ENOX1: variants seen among roughly 807,000 people sequenced by gnomAD.
ENOX1 encodes the protein ecto-NOX disulfide-thiol exchanger 1.
ENOX1 carries 42 observed loss-of-function variants against 82.5 expected under a neutral mutation model. The observed-to-expected ratio is 0.51, with a 90% CI of 0.40 to 0.66. The LOEUF is 0.66. Among genes scored for constraint, ENOX1 ranks in the 30% least tolerant of loss-of-function variants. The pLI, the probability that ENOX1 is intolerant of heterozygous loss-of-function variation, is 0.00. For missense variants in ENOX1, 608 were observed against 811.6 expected (o/e 0.75, Z 3.05); for synonymous variants, 271 against 282.2 (o/e 0.96, Z 0.40).
chr13:43,488,213 C>T (rs926211193), intron 2 of ENOX1, among the ~76,000 whole-genome samples: 1 of 152,118 alleles, frequency 6.6e-6, no homozygotes, highest in Non-Finnish European at 1.5e-5. Context: ...GAGGTATAGC[C>T]TTTAAGAGAT....
intron 13 of ENOX1, 108 bp downstream of exon 13, chr13:43,269,362 T>C (rs1262415183): frequency 7.2e-6 from 6 of 837,308 alleles, no homozygotes; most frequent in South Asian, 6.1e-5. Context: ...TCAGACTAAT[T>C]GTACTGCAGA....
chr13:43,752,806 T>G (rs1232647952), intron 1 of ENOX1, among the ~76,000 whole-genome samples: 4 of 152,138 alleles, frequency 2.6e-5, no homozygotes, highest in Non-Finnish European at 5.9e-5. Context: ...AATTTAGTCC[T>G]CCAACCTTCT....
At chr13:43,632,141 A>G (rs1411350880) in intron 2 of ENOX1, among the ~76,000 whole-genome samples, 1 of 152,122 alleles carries the variant, frequency 6.6e-6, no homozygotes, top group Non-Finnish European at 1.5e-5. Context: ...AAAGCCCTTT[A>G]AGTACTGATT....
At chr13:43,343,094 ATACAG>A (rs1337443722) in intron 9 of ENOX1, among the ~76,000 whole-genome samples, 80 of 152,368 alleles carry the variant, frequency 5.3e-4, no homozygotes, top group African/African-American at 1.9e-3. Flanking sequence ...AGATAAAAAC[ATACAG>A]TAATCATTTC....
chr13:43,425,318 G>T (rs980833943), intron 3 of ENOX1, among the ~76,000 whole-genome samples: 5 of 152,084 alleles, frequency 3.3e-5, no homozygotes, highest in African/African-American at 1.2e-4. Flanking sequence ...TGATGGAAAG[G>T]CTCCAGCTCT....
At chr13:43,420,051 A>G (rs1366512938) in intron 3 of ENOX1, among the ~76,000 whole-genome samples, 1 of 152,186 alleles carries the variant, frequency 6.6e-6, no homozygotes, top group African/African-American at 2.4e-5. Flanking sequence ...ACTCTCCATT[A>G]GCATTATCAT....
intron 8 of ENOX1, among the ~76,000 whole-genome samples, chr13:43,347,759 A>T (rs1305849666): frequency 6.6e-6 from 1 of 152,190 alleles, no homozygotes; most frequent in Admixed American, 6.5e-5. Flanking sequence ...AATCACATCA[A>T]ACATGCACTT....
At chr13:43,365,793 T>A (rs1299192714) in intron 5 of ENOX1, among the ~76,000 whole-genome samples, 1 of 152,106 alleles carries the variant, frequency 6.6e-6, no homozygotes, top group Admixed American at 6.5e-5. Flanking sequence ...GGATGCTGAG[T>A]CTTAGAATGC....
chr13:43,578,449 A>G (rs756188069), intron 2 of ENOX1, among the ~76,000 whole-genome samples: 22 of 152,210 alleles, frequency 1.4e-4, no homozygotes, highest in Non-Finnish European at 2.8e-4. Context: ...CTAATTCTTA[A>G]TAATGAAATG....
At chr13:43,241,712 G>C (rs914516720) in intron 14 of ENOX1, among the ~76,000 whole-genome samples, 2 of 152,166 alleles carry the variant, frequency 1.3e-5, no homozygotes, top group Admixed American at 1.3e-4. Context: ...GGCTGGAGAA[G>C]AGGTTTTCAG....
At chr13:43,585,993 T>A (rs767402394) in intron 2 of ENOX1, among the ~76,000 whole-genome samples, 2 of 152,242 alleles carry the variant, frequency 1.3e-5, no homozygotes, top group Non-Finnish European at 2.9e-5. Context: ...CTAATTAGAA[T>A]ATGTATCATC....
chr13:43,500,476 T>A (rs986574063), intron 2 of ENOX1, among the ~76,000 whole-genome samples: 4 of 152,018 alleles, frequency 2.6e-5, no homozygotes, highest in South Asian at 2.1e-4. Flanking sequence ...AAATACTATA[T>A]CTGGTAAAAA....
At chr13:43,352,386 A>C (rs557632072) in intron 8 of ENOX1, among the ~76,000 whole-genome samples, 1 of 152,326 alleles carries the variant, frequency 6.6e-6, no homozygotes, top group East Asian at 1.9e-4. Context: ...ATCCCGGTGA[A>C]TTAGAATATA....
chr13:43,532,027 A>T (rs920224710), intron 2 of ENOX1, among the ~76,000 whole-genome samples: 1 of 152,166 alleles, frequency 6.6e-6, no homozygotes, highest in African/African-American at 2.4e-5. Context: ...ATACATATGT[A>T]GCAAACCTGC....
intron 2 of ENOX1, among the ~76,000 whole-genome samples, chr13:43,493,516 C>A (rs2076692260): frequency 6.6e-6 from 1 of 152,230 alleles, no homozygotes; most frequent in Non-Finnish European, 1.5e-5. Context: ...GCCATCCTGG[C>A]TCCCAGAAAG....
chr13:43,402,672 A>G (rs1423746913), intron 5 of ENOX1, among the ~76,000 whole-genome samples: 1 of 152,242 alleles, frequency 6.6e-6, no homozygotes, highest in Non-Finnish European at 1.5e-5. Flanking sequence ...GTGGATCTGG[A>G]GCAGAAGTCC....
chr13:43,611,536 C>T (rs992805744), intron 2 of ENOX1, among the ~76,000 whole-genome samples: 3 of 152,188 alleles, frequency 2.0e-5, no homozygotes, highest in African/African-American at 7.2e-5. Flanking sequence ...TGAAGTACTG[C>T]TGATTCTTCA....
chr13:43,238,493 A>G (rs1416339908), intron 14 of ENOX1, among the ~76,000 whole-genome samples: 1 of 152,178 alleles, frequency 6.6e-6, no homozygotes, highest in Non-Finnish European at 1.5e-5. Flanking sequence ...AGTGGGGTCA[A>G]TGGGCCTGCT....
At chr13:43,760,860 G>GGAA (rs755222673) in intron 1 of ENOX1, among the ~76,000 whole-genome samples, 2 of 127,330 alleles carry the variant, frequency 1.6e-5, no homozygotes, top group Non-Finnish European at 3.2e-5. Flanking sequence ...CATTAAAGTG[G>GGAA]AAAAAAAAAA....
Sources: allele counts gnomAD v4.1 joint callset (sites outside exome capture counted in the v4.1 genomes callset), GRCh38; gene constraint gnomAD v4.1.1; transcripts MANE v1.5; gene names NCBI Gene and HGNC (gene_info 2026-07-23, HGNC 2026-07-21).